OSBPL6: variants seen among roughly 807,000 people sequenced by gnomAD.
OSBPL6 encodes the protein oxysterol-binding protein-related protein 6.
Under a neutral mutation model 125.8 loss-of-function variants are expected in OSBPL6, and 49 were observed. That is an observed-to-expected ratio of 0.39 (90% CI 0.31 to 0.49). The LOEUF (loss-of-function observed/expected upper bound fraction) is 0.49. OSBPL6 is among the 20% of genes least tolerant of loss of function. OSBPL6 has a pLI of 0.88. For synonymous variants in OSBPL6, 394 were observed against 391.8 expected (o/e 1.01, Z -0.07); for missense variants, 986 against 1,135.4 (o/e 0.87, Z 1.89).
intron 1 of OSBPL6, among the ~76,000 whole-genome samples, chr2:178,205,202 T>A (rs1392910599): frequency 2.0e-5 from 3 of 152,260 alleles, no homozygotes; most frequent in Admixed American, 6.5e-5. Flanking sequence ...GACAGTGAGC[T>A]GGGGGGAATT....
intron 12 of OSBPL6, among the ~76,000 whole-genome samples, chr2:178,349,892 G>T (rs1032851551): frequency 2.0e-5 from 3 of 152,162 alleles, no homozygotes; most frequent in Admixed American, 2.0e-4. Context: ...GCTGAAAGAC[G>T]CAAGGTAGCT....
Position 178,399,855 on chromosome 2 carries a change from T to C in OSBPL6, c.*4296T>C, listed in dbSNP as rs1008068690. 2.0e-5 allele frequency: 3 copies of C among 152,258 alleles called. No individual in the cohort carries two copies. Among genetic ancestry groups the C allele is most frequent in the Non-Finnish European group, 2.9e-5 (2 of 68,038 alleles). 9.4% of individuals were successfully genotyped at this position (152,258 alleles called of 1,614,324 possible). On this transcript the variant is annotated 3_prime_UTR_variant, in exon 25 of 25. Transcript: ENST00000190611. Reference sequence around the variant, plus strand: ...TCAGTTAGCCTCCTAGTGAATACTATTAATTTTTCATGGATTACATATTAC... The same window carrying C: ...TCAGTTAGCCTCCTAGTGAATACTACTAATTTTTCATGGATTACATATTAC...
intron 1 of OSBPL6, among the ~76,000 whole-genome samples, chr2:178,284,283 G>A (rs950278409): frequency 1.7e-4 from 26 of 152,124 alleles, no homozygotes; most frequent in Admixed American, 6.5e-5. Context: ...GCCAGGCATG[G>A]TGGCTCAGCC....
chr2:178,214,111 C>T (rs961323851), intron 1 of OSBPL6, among the ~76,000 whole-genome samples: 2 of 152,204 alleles, frequency 1.3e-5, no homozygotes, highest in Non-Finnish European at 2.9e-5. Flanking sequence ...GTCTGGCACA[C>T]TATTCTCTCC....
chr2:178,210,131 T>A lies in OSBPL6; in HGVS notation c.-351+15457T>A, dbSNP rs574788642. ...GCCTCCCGGGTTGAAGAGATTCTCC[T>A]GCCTCAGCGTCCTGAGTAGCTGGGA... On this transcript the variant is annotated intron_variant, in intron 1 of 24. Transcript: ENST00000190611. Among the ~76,000 whole-genome samples the A allele has an allele frequency of 2.1e-5, 3 of 141,704 alleles. No individual in the cohort carries two copies. In the South Asian group the frequency reaches 7.2e-4, roughly 34 times the overall value. The allele number at this position is 141,704 out of a possible 152,430, so 93.0% of individuals were successfully genotyped here.
intron 1 of OSBPL6, among the ~76,000 whole-genome samples, chr2:178,260,166 G>A (rs1027275789): frequency 6.6e-6 from 1 of 152,114 alleles, no homozygotes; most frequent in Non-Finnish European, 1.5e-5. Flanking sequence ...TTTCTTTTAT[G>A]CACCAGTTTC....
intron 1 of OSBPL6, among the ~76,000 whole-genome samples, chr2:178,220,470 A>T (rs911464177): frequency 6.6e-6 from 1 of 151,716 alleles, no homozygotes; most frequent in Admixed American, 6.6e-5. Flanking sequence ...GCCTTTTTTT[A>T]AATTTTGTAT....
At chr2:178,233,711 A>G (rs2090932298) in intron 1 of OSBPL6, among the ~76,000 whole-genome samples, 1 of 152,186 alleles carries the variant, frequency 6.6e-6, no homozygotes, top group Admixed American at 6.5e-5. Context: ...CTTTGGCATC[A>G]GAAGGGATCT....
At chr2:178,311,761 A>C (rs1262935762) in intron 3 of OSBPL6, among the ~76,000 whole-genome samples, 1 of 152,170 alleles carries the variant, frequency 6.6e-6, no homozygotes, top group Non-Finnish European at 1.5e-5. Flanking sequence ...TTGAGAGTAA[A>C]TGAAGGATAG....
chr2:178,355,846 C>A (rs1352452799), intron 12 of OSBPL6, among the ~76,000 whole-genome samples: 3 of 152,244 alleles, frequency 2.0e-5, no homozygotes, highest in Non-Finnish European at 2.9e-5. Context: ...CAATAAAATA[C>A]TGGCAAACCG....
intron 1 of OSBPL6, among the ~76,000 whole-genome samples, chr2:178,217,333 A>G (rs959446809): frequency 2.6e-5 from 4 of 152,208 alleles, no homozygotes; most frequent in Non-Finnish European, 4.4e-5. Flanking sequence ...AATTGCAGGA[A>G]ACTGAGAGGC....
At chr2:178,231,041 G>A (rs1392281562) in intron 1 of OSBPL6, among the ~76,000 whole-genome samples, 1 of 152,082 alleles carries the variant, frequency 6.6e-6, no homozygotes, top group Non-Finnish European at 1.5e-5. Context: ...CACACAGAGT[G>A]GGTTAAGGAA....
intron 9 of OSBPL6, among the ~76,000 whole-genome samples, chr2:178,337,066 C>T (rs1279127285): frequency 6.6e-6 from 1 of 152,118 alleles, no homozygotes; most frequent in African/African-American, 2.4e-5. Context: ...TTACCTTCAC[C>T]TTCCTCGTAA....
intron 4 of OSBPL6, among the ~76,000 whole-genome samples, chr2:178,325,717 G>T (rs1256738836): frequency 6.6e-6 from 1 of 152,206 alleles, no homozygotes; most frequent in Non-Finnish European, 1.5e-5. Flanking sequence ...ACTCATTGAA[G>T]TACATATCAA....
intron 1 of OSBPL6, among the ~76,000 whole-genome samples, chr2:178,232,713 GTT>G (rs749697915): frequency 6.8e-6 from 1 of 147,036 alleles, no homozygotes; most frequent in Non-Finnish European, 1.5e-5. Context: ...ATCACATGCT[GTT>G]TTTTTTTTTC....
intron 2 of OSBPL6, among the ~76,000 whole-genome samples, chr2:178,294,471 C>T (rs1380384019): frequency 6.6e-6 from 1 of 152,098 alleles, no homozygotes; most frequent in Non-Finnish European, 1.5e-5. Context: ...TTGAAAGGTA[C>T]AATTAAGCTA....
At chr2:178,369,272 G>T (rs1693151421) in intron 13 of OSBPL6, among the ~76,000 whole-genome samples, 1 of 152,136 alleles carries the variant, frequency 6.6e-6, no homozygotes, top group Admixed American at 6.5e-5. Context: ...ACTTTGCATA[G>T]AATGTAAAAA....
intron 11 of OSBPL6, chr2:178,344,427 CCT>C: frequency 6.7e-7 from 1 of 1,499,064 alleles, no homozygotes; most frequent in Non-Finnish European, 9.3e-7. Flanking sequence ...GGATGACTCC[CCT>C]GTCCTGATGG....
chr2:178,338,908 A>G, intron 9 of OSBPL6, 83 bp from the exon 10 acceptor site: 3 of 870,076 alleles, frequency 3.4e-6, no homozygotes, highest in South Asian at 1.6e-5. Context: ...TATATTTGCC[A>G]TAATTTGCAT....
Sources: gnomAD v4.1 joint callset for allele counts (sites outside exome capture counted in the v4.1 genomes callset) on GRCh38, gnomAD v4.1.1 for gene constraint, MANE v1.5 for transcripts, NCBI Gene and HGNC (gene_info 2026-07-23, HGNC 2026-07-21) for gene names.